Variants in ZMYM5 observed in about 807,000 individuals in gnomAD.
ZMYM5 encodes zinc finger MYM-type containing 5.
In ZMYM5, 41 loss-of-function variants were observed where a neutral mutation model predicts 61.8. The observed-to-expected ratio is 0.66, with a 90% CI of 0.52 to 0.86. The LOEUF (loss-of-function observed/expected upper bound fraction) is 0.86. Among genes scored for constraint, ZMYM5 ranks in the 40% least tolerant of loss-of-function variants. The pLI, the probability that ZMYM5 is intolerant of heterozygous loss-of-function variation, is 0.00. For synonymous variants in ZMYM5, 257 were observed against 276.4 expected (o/e 0.93, Z 0.70); for missense variants, 706 against 786.7 (o/e 0.90, Z 1.23).
At chr13:19,863,321 G>A (rs192612063) in intron 1 of ZMYM5, 129 bp downstream of exon 1, 2 of 152,064 alleles carry the variant, frequency 1.3e-5, no homozygotes, top group Non-Finnish European at 2.9e-5. Context: ...GGTGACAGGA[G>A]GGCAGCCCCG....
chr13:19,840,675 C>CTT (rs1203468933), intron 4 of ZMYM5, among the ~76,000 whole-genome samples: 1 of 147,256 alleles, frequency 6.8e-6, no homozygotes, highest in Non-Finnish European at 1.5e-5. Flanking sequence ...CACCTGGCCA[C>CTT]TTTTTTTTTT....
At chr13:19,836,309 C>A (rs1283837483) in intron 6 of ZMYM5, among the ~76,000 whole-genome samples, 1 of 151,008 alleles carries the variant, frequency 6.6e-6, no homozygotes, top group Admixed American at 6.6e-5. Context: ...CTATGTTGCC[C>A]TGGGCTCGAA....
At chr13:19,837,612 A>G (rs1312646948) in intron 6 of ZMYM5, 44 bp downstream of exon 6, 1 of 1,605,994 alleles carries the variant, frequency 6.2e-7, no homozygotes, top group Non-Finnish European at 8.5e-7. Flanking sequence ...AGTTAAAATT[A>G]TCACTGTTAG....
Position 19,851,812 on chromosome 13 carries a change from C to T in ZMYM5, c.369G>A (p.Glu123=). Residue 123 remains glutamate (E), a synonymous_variant, in exon 3 of 8, where the codon GAG becomes GAA. Coordinates refer to ENST00000337963, the MANE Select transcript of ZMYM5 (RefSeq NM_001142684.2). ...ISETIVIDDE[E]DIETNGGAEK... is the part of the protein sequence containing the mutation. The stretch of plus-strand genomic sequence containing the variant: ...CTGCTCCTCCATTTGTTTCTATGTC[C>T]TCTTCATCATCAATAACAATTGTCT... The T allele has an allele frequency of 6.2e-7, 1 of 1,612,866 alleles. No individual in the cohort carries two copies. Among genetic ancestry groups the T allele is most frequent in the Non-Finnish European group, 8.5e-7 (1 of 1,179,790 alleles).
At chr13:19,862,735 G>A (rs974116681) in intron 1 of ZMYM5, among the ~76,000 whole-genome samples, 4 of 152,238 alleles carry the variant, frequency 2.6e-5, no homozygotes, top group Non-Finnish European at 5.9e-5. Context: ...ACGGGAGAGG[G>A]AAGGGTAAAC....
chr13:19,859,757 A>G (rs1039059857), intron 2 of ZMYM5, among the ~76,000 whole-genome samples: 1 of 151,994 alleles, frequency 6.6e-6, no homozygotes, highest in African/African-American at 2.4e-5. Context: ...ATTATGCAAT[A>G]TATGTAACAC....
intron 2 of ZMYM5, among the ~76,000 whole-genome samples, chr13:19,855,972 C>T (rs1168869286): frequency 1.3e-5 from 2 of 151,530 alleles, no homozygotes; most frequent in African/African-American, 2.4e-5. Context: ...GCAGAGATGG[C>T]GCCACTGCAC....
rs1225251273 is a variant in ZMYM5 at position 19,843,831 on chromosome 13, G to A, written c.587-4846C>T. Among the ~76,000 whole-genome samples the A allele has an allele frequency of 2.9e-5, 4 of 135,824 alleles. No individual in the cohort carries two copies. The South Asian group carries it at 9.6e-4, about 32-fold the overall frequency. 89.1% of individuals were successfully genotyped at this position (135,824 alleles called of 152,430 possible). A position where few individuals can be genotyped will look rare whatever the true frequency, so the allele number is the denominator to read the frequency against. ...GTCCTGGGTGACAGAGTGAGACTCT[G>A]TCTCAAAAAAAAAAAAAAGGGGGCC... On this transcript the variant is annotated intron_variant, in intron 4 of 7. Coordinates refer to ENST00000337963, the MANE Select transcript of ZMYM5 (RefSeq NM_001142684.2).
chr13:19,849,977 A>C (rs1335328147), intron 4 of ZMYM5, among the ~76,000 whole-genome samples: 3 of 139,206 alleles, frequency 2.2e-5, no homozygotes, highest in African/African-American at 8.6e-5. Flanking sequence ...ACTCTGTCTC[A>C]AAAAAAAAAA....
chr13:19,837,093 G>A (rs143637548), intron 6 of ZMYM5, among the ~76,000 whole-genome samples: 4,040 of 151,010 alleles, frequency 0.027, 91 homozygotes, highest in South Asian at 0.071. Context: ...GTACAGTGGC[G>A]CAATCTCAGC....
intron 7 of ZMYM5, among the ~76,000 whole-genome samples, chr13:19,825,738 G>A (rs1479432967): frequency 1.3e-5 from 2 of 151,674 alleles, no homozygotes. Flanking sequence ...TATCCAAGAG[G>A]ATGACTATAA....
intron 2 of ZMYM5, among the ~76,000 whole-genome samples, chr13:19,861,073 C>G (rs1394439731): frequency 6.6e-6 from 1 of 151,904 alleles, no homozygotes; most frequent in Non-Finnish European, 1.5e-5. Flanking sequence ...ACTCAACCCC[C>G]TGGGCTCAAA....
intron 2 of ZMYM5, among the ~76,000 whole-genome samples, chr13:19,853,654 T>C (rs1272541852): frequency 2.6e-5 from 4 of 151,052 alleles, no homozygotes; most frequent in East Asian, 1.9e-4. Context: ...GTCACTCAGG[T>C]ACAGTGGCGC....
In ZMYM5 at chr13:19,838,887, G is replaced by C. The variant is rs1471575084; in HGVS notation, c.685C>G (p.Gln229Glu). 1.2e-6 allele frequency: 2 copies of C among 1,614,092 alleles called. No individual in the cohort carries two copies. Among genetic ancestry groups the C allele is most frequent in the Non-Finnish European group, 1.7e-6 (2 of 1,180,016 alleles). ...GTAAGTTGTTGTTGGGCTGTAGGCTGGAAATTCTGCTTACGAAGTAAGGCC... is the reference window on the plus strand; with the variant it reads ...GTAAGTTGTTGTTGGGCTGTAGGCTCGAAATTCTGCTTACGAAGTAAGGCC... The part of the protein sequence containing the change: ...PVALLRKQNF[Q>E]PTAQQQLTKP... Residue 229 changes from glutamine (Q) to glutamate (E), a missense_variant, in exon 5 of 8, where the codon CAG becomes GAG. By Grantham distance (29) the Gln-to-Glu change is conservative. Coordinates refer to ENST00000337963, the MANE Select transcript of ZMYM5 (RefSeq NM_001142684.2).
intron 2 of ZMYM5, among the ~76,000 whole-genome samples, chr13:19,859,914 G>A (rs1431402337): frequency 7.3e-5 from 11 of 150,002 alleles, no homozygotes; most frequent in Admixed American, 5.3e-4. Context: ...GACCAGCCTG[G>A]CCAACATGGT....
intron 4 of ZMYM5, among the ~76,000 whole-genome samples, chr13:19,841,114 G>A (rs1234304612): frequency 8.0e-5 from 12 of 150,630 alleles, no homozygotes; most frequent in South Asian, 4.2e-4. Context: ...ACAGGAGCAC[G>A]CCACCACACC....
chr13:19,832,424 T>C (rs1421345227), intron 7 of ZMYM5, among the ~76,000 whole-genome samples: 2 of 151,914 alleles, frequency 1.3e-5, no homozygotes, highest in Admixed American at 6.6e-5. Context: ...CCTCCCAGGT[T>C]CAAGTGATTC....
chr13:19,860,350 T>C (rs1953691112), intron 2 of ZMYM5, among the ~76,000 whole-genome samples: 1 of 149,804 alleles, frequency 6.7e-6, no homozygotes. Context: ...TGGAGTGCAA[T>C]GGCACAATCT....
chr13:19,830,576 C>T (rs1260250060), intron 7 of ZMYM5, among the ~76,000 whole-genome samples: 1 of 152,056 alleles, frequency 6.6e-6, no homozygotes, highest in Non-Finnish European at 1.5e-5. Flanking sequence ...CACTGTCACC[C>T]AGGCTGGAGT....
Sources: gnomAD v4.1 joint callset for allele counts (sites outside exome capture counted in the v4.1 genomes callset) on GRCh38, gnomAD v4.1.1 for gene constraint, MANE v1.5 for transcripts, NCBI Gene and HGNC (gene_info 2026-07-23, HGNC 2026-07-21) for gene names.